POU6F2: variants seen among roughly 807,000 people sequenced by gnomAD.
The protein encoded by POU6F2 is POU class 6 homeobox 2.
POU6F2 carries 31 observed loss-of-function variants against 71.3 expected under a neutral mutation model. The ratio of observed to expected loss-of-function variants is 0.43; its 90% CI spans 0.33 to 0.59. POU6F2 has a LOEUF of 0.59. Among genes scored for constraint, POU6F2 ranks in the 20% least tolerant of loss-of-function variants. The pLI is 0.04. For missense variants in POU6F2, 783 were observed against 856.8 expected (o/e 0.91, Z 1.07); for synonymous variants, 347 against 355.7 (o/e 0.98, Z 0.27).
At chr7:38,992,159 T>C (rs773381057) in intron 1 of POU6F2, among the ~76,000 whole-genome samples, 3 of 152,178 alleles carry the variant, frequency 2.0e-5, no homozygotes, top group Non-Finnish European at 4.4e-5. Flanking sequence ...GTTACAACTA[T>C]CACTCTCCTA....
intron 5 of POU6F2, among the ~76,000 whole-genome samples, chr7:39,400,811 A>G (rs2115871757): frequency 6.6e-6 from 1 of 152,328 alleles, no homozygotes; most frequent in Non-Finnish European, 1.5e-5. Flanking sequence ...CTGAAACTAT[A>G]CCAAAATCAT....
At chr7:39,395,977 C>A (rs1395765526) in intron 5 of POU6F2, among the ~76,000 whole-genome samples, 1 of 152,136 alleles carries the variant, frequency 6.6e-6, no homozygotes, top group Non-Finnish European at 1.5e-5. Context: ...GAAATATCAA[C>A]AAATTCACCT....
chr7:39,408,953 G>A (rs1787492879), intron 6 of POU6F2, among the ~76,000 whole-genome samples: 1 of 152,186 alleles, frequency 6.6e-6, no homozygotes, highest in Non-Finnish European at 1.5e-5. Context: ...TGAACAGCCT[G>A]TGGTCAAATT....
intron 1 of POU6F2, among the ~76,000 whole-genome samples, chr7:38,982,099 G>A (rs1788332796): frequency 6.6e-6 from 1 of 152,080 alleles, no homozygotes; most frequent in Admixed American, 6.6e-5. Context: ...TTTGAAGATT[G>A]CCCTCTGTCA....
intron 4 of POU6F2, among the ~76,000 whole-genome samples, chr7:39,257,959 A>G (rs1246380687): frequency 6.6e-6 from 1 of 152,250 alleles, no homozygotes; most frequent in Non-Finnish European, 1.5e-5. Flanking sequence ...AAAAGAAAGT[A>G]CCAGTGCTTA....
intron 1 of POU6F2, among the ~76,000 whole-genome samples, chr7:39,040,235 A>T (rs1201131032): frequency 6.9e-6 from 1 of 145,612 alleles, no homozygotes; most frequent in Non-Finnish European, 1.5e-5. Context: ...ATGTAAAATA[A>T]TGCATAGGTA....
At chr7:39,271,787 G>A (rs1206058746) in intron 4 of POU6F2, among the ~76,000 whole-genome samples, 1 of 152,140 alleles carries the variant, frequency 6.6e-6, no homozygotes. Flanking sequence ...GAGACATCCA[G>A]GAGCCGTTCA....
rs532595806 is a variant in POU6F2, at chr7:39,031,789, G to A, written c.105+53731G>A. 3.3e-5 allele frequency among the ~76,000 whole-genome samples: 5 copies of A among 152,202 alleles called. No homozygotes were observed. The South Asian group carries it at 8.3e-4, about 25-fold the overall frequency. ...CCAGCTACTTGGGAGGCTGAGGTGG[G>A]AGGATATCATGAACCCGGGAGGTGG... On this transcript the variant is annotated intron_variant, in intron 1 of 9. Coordinates refer to ENST00000518318, the MANE Select transcript of POU6F2 (RefSeq NM_001370959.1).
intron 4 of POU6F2, among the ~76,000 whole-genome samples, chr7:39,269,845 A>T (rs1784312156): frequency 6.6e-6 from 1 of 152,128 alleles, no homozygotes; most frequent in Non-Finnish European, 1.5e-5. Context: ...TATTGACTGT[A>T]TGTGTGTTGC....
chr7:39,204,146 C>A, intron 2 of POU6F2, 89 bp from the exon 3 acceptor site: 1 of 1,113,890 alleles, frequency 9.0e-7, no homozygotes, highest in Non-Finnish European at 1.3e-6. Flanking sequence ...ATAAACCACT[C>A]TGTCATATCA....
At chr7:39,343,325 T>C (rs1464275289) in intron 5 of POU6F2, among the ~76,000 whole-genome samples, 1 of 150,974 alleles carries the variant, frequency 6.6e-6, no homozygotes, top group Admixed American at 6.6e-5. Flanking sequence ...TGTGCCTGAA[T>C]CTAAAACTAA....
At chr7:39,409,096 T>C (rs1364986202) in intron 6 of POU6F2, among the ~76,000 whole-genome samples, 1 of 152,226 alleles carries the variant, frequency 6.6e-6, no homozygotes. Context: ...TTTCTCAAAA[T>C]ACCATGTAAA....
At chr7:39,397,834 A>ATATAT (rs1395034721) in intron 5 of POU6F2, among the ~76,000 whole-genome samples, 7 of 143,642 alleles carry the variant, frequency 4.9e-5, no homozygotes, top group Non-Finnish European at 9.0e-5. Flanking sequence ...ATATATATAT[A>ATATAT]GTAGAGACGG....
In POU6F2 at chr7:39,394,338, TAAATG is replaced by T. The variant is rs547335763; in HGVS notation, c.973-12257_973-12253del. On this transcript the variant is annotated intron_variant, in intron 5 of 9. Transcript: ENST00000518318. ...AGTTTAGCGTTCCCTTTATATAAAATAAATGAAATTATTTTATAACTTGATGACTA... is the reference window on the plus strand; with the variant it reads ...AGTTTAGCGTTCCCTTTATATAAAATAAATTATTTTATAACTTGATGACTA... 6.3e-3 allele frequency among the ~76,000 whole-genome samples: 962 copies of T among 152,344 alleles called. 4 individuals carry two copies. The highest frequency in any genetic ancestry group is 0.01 in the Non-Finnish European group (711 of 68,034).
At chr7:39,009,270 A>G (rs539587247) in intron 1 of POU6F2, among the ~76,000 whole-genome samples, 17 of 151,468 alleles carry the variant, frequency 1.1e-4, no homozygotes, top group Non-Finnish European at 2.2e-4. Flanking sequence ...TAAGTATTTT[A>G]TTCTCTTTGA....
At chr7:39,012,207 G>C (rs1222275691) in intron 1 of POU6F2, among the ~76,000 whole-genome samples, 2 of 152,050 alleles carry the variant, frequency 1.3e-5, no homozygotes, top group Non-Finnish European at 2.9e-5. Flanking sequence ...ATATTTCTTG[G>C]AGTCTTTGCT....
At chr7:39,283,246 C>T (rs1419573394) in intron 4 of POU6F2, among the ~76,000 whole-genome samples, 2 of 152,036 alleles carry the variant, frequency 1.3e-5, no homozygotes, top group Non-Finnish European at 2.9e-5. Flanking sequence ...TTAACTTCTT[C>T]CTTTCCAATT....
intron 1 of POU6F2, among the ~76,000 whole-genome samples, chr7:38,999,890 C>T (rs1035517560): frequency 4.6e-5 from 7 of 152,130 alleles, no homozygotes; most frequent in African/African-American, 9.7e-5. Context: ...TTCCTAGGCA[C>T]GATGGCACAG....
At position 39,465,345 on chromosome 7, in the gene POU6F2, T is replaced by C. The variant is rs1212158879; in HGVS notation, c.*659T>C. ...GATTTCTCCCATCTTTCCCATCTAC[T>C]GTCTCCACCCATGGGGTGGGTACCA... On this transcript the variant is annotated 3_prime_UTR_variant, in exon 10 of 10. Coordinates refer to ENST00000518318, the MANE Select transcript of POU6F2 (RefSeq NM_001370959.1). 6.6e-6 allele frequency: 1 copy of C among 152,306 alleles called. No homozygotes were observed. Among genetic ancestry groups the C allele is most frequent in the Non-Finnish European group, 1.5e-5 (1 of 68,110 alleles). The allele number at this position is 152,306 out of a possible 1,614,324, so 9.4% of individuals were successfully genotyped here. A position where few individuals can be genotyped will look rare whatever the true frequency, so the allele number is the denominator to read the frequency against.
Sources: gnomAD v4.1 joint callset for allele counts (sites outside exome capture counted in the v4.1 genomes callset) on GRCh38, gnomAD v4.1.1 for gene constraint, MANE v1.5 for transcripts, NCBI Gene and HGNC (gene_info 2026-07-23, HGNC 2026-07-21) for gene names.